The following FRMPD4 variants were observed in gnomAD, a reference collection of about 807,000 sequenced individuals.
FRMPD4 encodes the protein FERM and PDZ domain-containing protein 4.
A neutral mutation model predicts 94.1 loss-of-function variants in FRMPD4; 22 were observed. The ratio of observed to expected loss-of-function variants is 0.23; its 90% confidence interval spans 0.17 to 0.33. FRMPD4 has a LOEUF of 0.33. Ranked by LOEUF, FRMPD4 falls within the 10% of genes least tolerant of loss-of-function variation. The pLI, the probability that FRMPD4 is intolerant of heterozygous loss-of-function variation, is 1.00. For synonymous variants in FRMPD4, 631 were observed against 548.6 expected, an observed-to-expected ratio of 1.15 and a Z score of -2.10; for missense variants, 1,111 against 1,339.9, an observed-to-expected ratio of 0.83 and a Z score of 2.67.
chrX:12,090,952 T>C (rs1428054895), intron 3 of FRMPD4, among the ~76,000 whole-genome samples: 1 of 112,226 alleles, frequency 8.9e-6, no homozygotes, highest in African/African-American at 3.2e-5. Context: ...GGAAGCTTTT[T>C]TTATATATAG....
intron 1 of FRMPD4, among the ~76,000 whole-genome samples, chrX:12,466,921 A>G (rs1233641100): frequency 8.9e-6 from 1 of 112,054 alleles, no homozygotes; most frequent in Non-Finnish European, 1.9e-5. Flanking sequence ...GTTGATATGT[A>G]TGAACTAACT....
intron 3 of FRMPD4, among the ~76,000 whole-genome samples, chrX:12,056,080 T>C (rs2054852579): frequency 8.9e-6 from 1 of 112,087 alleles, no homozygotes; most frequent in South Asian, 3.7e-4. Context: ...TTTCAAACCA[T>C]TTTATGTGTA....
At chrX:12,222,042 A>G (rs925461453) in intron 1 of FRMPD4, among the ~76,000 whole-genome samples, 1 of 112,129 alleles carries the variant, frequency 8.9e-6, no homozygotes, top group African/African-American at 3.2e-5. Flanking sequence ...ATGAAAATAA[A>G]TATATTAAGG....
chrX:12,586,809 A>C (rs10218174), intron 2 of FRMPD4, among the ~76,000 whole-genome samples: 5,713 of 111,232 alleles, frequency 0.051, 353 homozygotes, highest in African/African-American at 0.18. Flanking sequence ...CTTGGAAAAG[A>C]TCATGTGAAT....
At chrX:12,536,700 G>C (rs1399312955) in intron 2 of FRMPD4, among the ~76,000 whole-genome samples, 1 of 111,695 alleles carries the variant, frequency 9.0e-6, no homozygotes, top group Non-Finnish European at 1.9e-5. Context: ...GAGAGAATTT[G>C]ATGTCTGAGA....
At chrX:12,187,376 T>C (rs1323603076) in intron 1 of FRMPD4, among the ~76,000 whole-genome samples, 1 of 112,120 alleles carries the variant, frequency 8.9e-6, no homozygotes, top group African/African-American at 3.2e-5. Flanking sequence ...GTGTGAGTTT[T>C]TTTCCATCAG....
At chrX:12,546,526 T>C (rs1243757359) in intron 2 of FRMPD4, among the ~76,000 whole-genome samples, 3 of 112,016 alleles carry the variant, frequency 2.7e-5, no homozygotes, top group Admixed American at 1.9e-4. Flanking sequence ...TGGGAGACTA[T>C]TGTAGTGTGT....
At chrX:12,593,962 T>G (rs1419726186) in intron 2 of FRMPD4, among the ~76,000 whole-genome samples, 3 of 112,282 alleles carry the variant, frequency 2.7e-5, no homozygotes, top group Admixed American at 9.4e-5. Context: ...TTGCTTTGCA[T>G]TTATTAATGA....
At chrX:11,894,597 C>A (rs1372257306) in intron 3 of FRMPD4, among the ~76,000 whole-genome samples, 1 of 112,129 alleles carries the variant, frequency 8.9e-6, no homozygotes, top group South Asian at 3.7e-4. Context: ...TTCTCTGGGG[C>A]TGGGATCCAG....
chrX:12,339,595 G>A (rs1409232673), intron 1 of FRMPD4, among the ~76,000 whole-genome samples: 4 of 110,240 alleles, frequency 3.6e-5, no homozygotes, highest in Non-Finnish European at 7.6e-5. Flanking sequence ...ATATACCACA[G>A]CATCATTGGA....
rs753739445 is a variant in FRMPD4 at position 12,470,536 on chromosome X, G to T, written c.42-28144G>T. ...TGATGTTTTTCTTTCAGCAAAAAGG[G>T]TAAATGTACTGACGTCTTTGTGGCT... On this transcript the variant is annotated intron_variant, in intron 1 of 16. Coordinates refer to ENST00000675598, the MANE Select transcript of FRMPD4 (RefSeq NM_001368397.1). Among the ~76,000 whole-genome samples the T allele has an allele frequency of 5.4e-5, 6 of 111,987 alleles. No individual in the cohort carries two copies. In the South Asian group the frequency reaches 2.2e-3, roughly 42 times the overall value.
chrX:12,225,383 A>G (rs192493939), intron 1 of FRMPD4, among the ~76,000 whole-genome samples: 2 of 112,217 alleles, frequency 1.8e-5, no homozygotes, highest in Admixed American at 9.4e-5. Context: ...GAACTGTTTC[A>G]CCATTTATCA....
chrX:12,545,804 C>A (rs911562850), intron 2 of FRMPD4, among the ~76,000 whole-genome samples: 25 of 113,015 alleles, frequency 2.2e-4, no homozygotes, highest in Non-Finnish European at 3.9e-4. Context: ...CATAGGCCAA[C>A]TCTTTGTTAA....
chrX:11,883,968 C>T (rs1018820984), intron 3 of FRMPD4, among the ~76,000 whole-genome samples: 1 of 111,720 alleles, frequency 9.0e-6, no homozygotes, highest in African/African-American at 3.3e-5. Context: ...ATTGAAATTC[C>T]AGCTGTTCTG....
At chrX:12,128,433 G>A (rs956056493) in intron 3 of FRMPD4, among the ~76,000 whole-genome samples, 5 of 112,038 alleles carry the variant, frequency 4.5e-5, no homozygotes, top group Admixed American at 9.4e-5. Context: ...CACCATGTCC[G>A]GAGTCTGCAC....
intron 1 of FRMPD4, among the ~76,000 whole-genome samples, chrX:11,843,053 G>T (rs2053548262): frequency 8.9e-6 from 1 of 112,120 alleles, no homozygotes; most frequent in Admixed American, 9.5e-5. Context: ...CTACTGAGAT[G>T]ATCACATGGT....
chrX:12,528,963 GTTAGTTATCTA>G (rs2058256645), intron 2 of FRMPD4, among the ~76,000 whole-genome samples: 1 of 112,412 alleles, frequency 8.9e-6, no homozygotes, highest in Non-Finnish European at 1.9e-5. Flanking sequence ...CTCTCATTCT[GTTAGTTATCTA>G]TTGCTGCATA....
chrX:12,709,217 C>T (rs1483421962), intron 13 of FRMPD4, among the ~76,000 whole-genome samples: 1 of 111,645 alleles, frequency 9.0e-6, no homozygotes, highest in Non-Finnish European at 1.9e-5. Flanking sequence ...AGTACAGGGG[C>T]TTTGGCAGGA....
At chrX:11,893,435 T>G (rs5933926) in intron 3 of FRMPD4, among the ~76,000 whole-genome samples, 2,285 of 112,422 alleles carry the variant, frequency 0.02, 15 homozygotes, top group African/African-American at 0.035. Context: ...CTTAAAGGTT[T>G]TAAGTTAAGA....
Sources: allele counts gnomAD v4.1 joint callset (sites outside exome capture counted in the v4.1 genomes callset), GRCh38; gene constraint gnomAD v4.1.1; transcripts MANE v1.5; gene names NCBI Gene and HGNC (gene_info 2026-07-23, HGNC 2026-07-21).